RIT2: variants seen among roughly 807,000 people sequenced by gnomAD.
The protein encoded by RIT2 is Ras like without CAAX 2.
Under a neutral mutation model 23.7 loss-of-function variants are expected in RIT2, and 24 were observed. The ratio of observed to expected loss-of-function variants is 1.01; its 90% CI spans 0.73 to 1.43. The LOEUF (loss-of-function observed/expected upper bound fraction) is 1.43. Ranked by LOEUF, RIT2 falls within the 40% of genes most tolerant of loss-of-function variation. The pLI is 0.00. For missense variants in RIT2, 236 were observed against 266.9 expected (o/e 0.88, Z 0.81); for synonymous variants, 107 against 91.1 (o/e 1.17, Z -0.99).
intron 4 of RIT2, among the ~76,000 whole-genome samples, chr18:42,864,430 A>G (rs1211031693): frequency 6.6e-6 from 1 of 152,136 alleles, no homozygotes; most frequent in Non-Finnish European, 1.5e-5. Context: ...TTGGGTTTCT[A>G]TTGCATACTC....
chr18:43,052,428 T>C (rs1012953594), intron 1 of RIT2, among the ~76,000 whole-genome samples: 26 of 152,144 alleles, frequency 1.7e-4, no homozygotes, highest in Non-Finnish European at 1.8e-4. Context: ...AAAGAAATGA[T>C]GAATATTTCC....
chr18:43,066,840 AAT>A (rs1448352706), intron 1 of RIT2, among the ~76,000 whole-genome samples: 1 of 151,768 alleles, frequency 6.6e-6, no homozygotes, highest in African/African-American at 2.4e-5. Flanking sequence ...AGCATGGATC[AAT>A]GTTCCTTTGA....
At chr18:42,763,129 A>G (rs1913340185) in intron 4 of RIT2, among the ~76,000 whole-genome samples, 1 of 152,202 alleles carries the variant, frequency 6.6e-6, no homozygotes, top group South Asian at 2.1e-4. Flanking sequence ...GTCTATTTAA[A>G]CAAAAGAAGG....
At chr18:43,028,960 A>T (rs1911793350) in intron 2 of RIT2, among the ~76,000 whole-genome samples, 1 of 152,034 alleles carries the variant, frequency 6.6e-6, no homozygotes, top group Non-Finnish European at 1.5e-5. Flanking sequence ...TACAAGAGAT[A>T]TTGAGAAATG....
At chr18:43,057,815 T>TTTTTTTTTTTTTA (rs1555655196) in intron 1 of RIT2, among the ~76,000 whole-genome samples, 5 of 150,542 alleles carry the variant, frequency 3.3e-5, no homozygotes, top group Admixed American at 6.6e-5. Flanking sequence ...TTTTTTTTTT[T>TTTTTTTTTTTTTA]ATCATCTAAG....
chr18:42,841,160 C>T (rs1263681483), intron 4 of RIT2, among the ~76,000 whole-genome samples: 2 of 152,146 alleles, frequency 1.3e-5, no homozygotes, highest in Non-Finnish European at 2.9e-5. Context: ...TCATTAAATG[C>T]TTTTATGAAA....
intron 2 of RIT2, among the ~76,000 whole-genome samples, chr18:43,011,422 A>T (rs993860532): frequency 2.6e-5 from 4 of 151,834 alleles, no homozygotes; most frequent in African/African-American, 9.7e-5. Flanking sequence ...GACAAGACAA[A>T]GAAGTGGAGG....
Position 42,829,357 on chromosome 18 carries a change from T to A in RIT2, c.427-85637A>T, listed in dbSNP as rs559776538. The stretch of plus-strand genomic sequence containing the variant: ...GCTATAAAACACGCATCTCTTCATA[T>A]AAAATCTGGATAGTATGACACACCA... On this transcript the variant is annotated intron_variant, in intron 4 of 4. Transcript: ENST00000326695. Among the ~76,000 whole-genome samples the A allele has an allele frequency of 2.0e-5, 3 of 152,320 alleles. No individual in the cohort carries two copies. The South Asian group carries it at 6.2e-4, about 32-fold the overall frequency.
intron 4 of RIT2, among the ~76,000 whole-genome samples, chr18:42,862,512 A>C (rs981499115): frequency 6.6e-6 from 1 of 152,230 alleles, no homozygotes; most frequent in Non-Finnish European, 1.5e-5. Flanking sequence ...TGACTGATGA[A>C]GCCAAACATA....
intron 4 of RIT2, among the ~76,000 whole-genome samples, chr18:42,764,485 A>G (rs186339164): frequency 1.3e-5 from 2 of 152,260 alleles, no homozygotes; most frequent in African/African-American, 4.8e-5. Flanking sequence ...AGAATGTATT[A>G]TTACCTCTAC....
chr18:43,046,745 A>G (rs1472869056), intron 1 of RIT2, among the ~76,000 whole-genome samples: 2 of 152,216 alleles, frequency 1.3e-5, no homozygotes, highest in Non-Finnish European at 2.9e-5. Context: ...GTATAAAACC[A>G]GCTTTCCTTA....
intron 1 of RIT2, among the ~76,000 whole-genome samples, chr18:43,070,107 T>C (rs1415480664): frequency 6.6e-6 from 1 of 152,152 alleles, no homozygotes; most frequent in Non-Finnish European, 1.5e-5. Context: ...TATGGAAATG[T>C]TGCGTATTGC....
intron 3 of RIT2, among the ~76,000 whole-genome samples, chr18:42,967,081 T>C (rs1910243272): frequency 6.6e-6 from 1 of 152,008 alleles, no homozygotes; most frequent in African/African-American, 2.4e-5. Context: ...AAATAAATAC[T>C]CCTAATGTTT....
intron 2 of RIT2, among the ~76,000 whole-genome samples, chr18:43,022,489 A>G (rs1911619729): frequency 6.6e-6 from 1 of 152,132 alleles, no homozygotes; most frequent in Non-Finnish European, 1.5e-5. Context: ...GTCAATACGC[A>G]GGATGATGGA....
intron 4 of RIT2, among the ~76,000 whole-genome samples, chr18:42,843,430 A>G (rs1177295796): frequency 6.6e-6 from 1 of 152,210 alleles, no homozygotes; most frequent in African/African-American, 2.4e-5. Flanking sequence ...TAATTTAGAG[A>G]TCATGAAATA....
chr18:42,998,504 G>C (rs1271643080), intron 2 of RIT2, among the ~76,000 whole-genome samples: 1 of 151,978 alleles, frequency 6.6e-6, no homozygotes, highest in African/African-American at 2.4e-5. Flanking sequence ...TAAGCATTTG[G>C]TCTTAGATAA....
intron 2 of RIT2, among the ~76,000 whole-genome samples, chr18:42,997,728 A>G (rs150843562): frequency 1.1e-3 from 175 of 152,318 alleles, no homozygotes; most frequent in African/African-American, 4.1e-3. Context: ...GTAAAGGAAG[A>G]GAACTTAAAA....
chr18:42,744,845 A>G (rs1486236517), intron 4 of RIT2, among the ~76,000 whole-genome samples: 1 of 152,190 alleles, frequency 6.6e-6, no homozygotes, highest in Non-Finnish European at 1.5e-5. Context: ...CTAGCCAAGT[A>G]TTCCAGAGCA....
At chr18:42,767,164 G>A (rs1218796491) in intron 4 of RIT2, among the ~76,000 whole-genome samples, 2 of 152,136 alleles carry the variant, frequency 1.3e-5, no homozygotes, top group African/African-American at 4.8e-5. Context: ...ATCCCAGAAT[G>A]GTATATCCAC....
Sources: allele counts gnomAD v4.1 joint callset (sites outside exome capture counted in the v4.1 genomes callset), GRCh38; gene constraint gnomAD v4.1.1; transcripts MANE v1.5; gene names NCBI Gene and HGNC (gene_info 2026-07-23, HGNC 2026-07-21).